Variants in DYRK3 observed in about 807,000 individuals in gnomAD.
DYRK3 encodes the protein dual specificity tyrosine-phosphorylation-regulated kinase 3.
A neutral mutation model predicts 40.8 loss-of-function variants in DYRK3; 30 were observed. That is an observed-to-expected ratio of 0.74 (90% confidence interval 0.55 to 1.00). The LOEUF (loss-of-function observed/expected upper bound fraction) is 1.00. Among genes scored for constraint, DYRK3 ranks in the 50% least tolerant of loss-of-function variants. DYRK3 has a pLI of 0.00. For missense variants in DYRK3, 699 were observed against 731.5 expected (o/e 0.96, Z 0.51); for synonymous variants, 272 against 260.7 (o/e 1.04, Z -0.42).
intron 1 of DYRK3, 107 bp downstream of exon 1, chr1:206,635,887 G>T: frequency 7.9e-7 from 1 of 1,263,236 alleles, no homozygotes; most frequent in South Asian, 3.0e-5. Flanking sequence ...TCAGTAGGAG[G>T]GACGAGGGCA....
At chr1:206,641,013 AC>A (rs782102312) in intron 2 of DYRK3, among the ~76,000 whole-genome samples, 9 of 152,222 alleles carry the variant, frequency 5.9e-5, no homozygotes, top group Non-Finnish European at 1.0e-4. Context: ...TTAAGAAAAT[AC>A]TTGGTAGAGT....
In DYRK3 at chr1:206,648,122, C is replaced by T. The variant is rs556178304; in HGVS notation, c.924C>T (p.Ser308=). 7.4e-6 allele frequency: 12 copies of T among 1,614,094 alleles called. No individual in the cohort carries two copies. In the Admixed American group the frequency reaches 8.3e-5, roughly 11 times the overall value. The change falls in exon 3 of 3, where the codon AGC becomes AGT. Residue 308 remains serine (S), a synonymous_variant. Coordinates refer to ENST00000367109, the MANE Select transcript of DYRK3 (RefSeq NM_003582.4). ...LIKKNKFQGF[S]VQLVRKFAQS... ...AAAAAAATAAGTTTCAGGGTTTTAG[C>T]GTCCAGTTGGTACGCAAGTTTGCCC...
At chr1:206,635,964 T>C in intron 1 of DYRK3, 184 bp downstream of exon 1, 2 of 1,335,710 alleles carry the variant, frequency 1.5e-6, no homozygotes, top group East Asian at 2.8e-5. Flanking sequence ...CCCCCATCCC[T>C]GTCTCACCGG....
chr1:206,639,255 G>A (rs191956041), intron 2 of DYRK3, among the ~76,000 whole-genome samples: 4 of 152,068 alleles, frequency 2.6e-5, no homozygotes, highest in Non-Finnish European at 4.4e-5. Context: ...CCTATTTTTC[G>A]TCCCCTTTTT....
intron 2 of DYRK3, among the ~76,000 whole-genome samples, chr1:206,638,411 G>T (rs1352068079): frequency 1.3e-5 from 2 of 151,224 alleles, no homozygotes; most frequent in Non-Finnish European, 2.9e-5. Context: ...TGAGTAGCTG[G>T]GATTACAGGC....
chr1:206,645,189 A>C (rs1268939882), intron 2 of DYRK3, among the ~76,000 whole-genome samples: 1 of 151,954 alleles, frequency 6.6e-6, no homozygotes, highest in Non-Finnish European at 1.5e-5. Flanking sequence ...ATTTTTGGTA[A>C]TTTATAAATA....
At chr1:206,639,538 G>A (rs1195761956) in intron 2 of DYRK3, among the ~76,000 whole-genome samples, 2 of 147,742 alleles carry the variant, frequency 1.4e-5, no homozygotes, top group African/African-American at 5.1e-5. Context: ...CGCAATCTTG[G>A]CTTACTGCAA....
In DYRK3 at chr1:206,637,756, C is replaced by T; in HGVS notation, c.184C>T (p.Leu62=). The T allele has an allele frequency of 6.2e-7, 1 of 1,608,654 alleles. No individual in the cohort carries two copies. ...NPSEPPPPRR[L]NMTTEQFTGD... ...TTCTGAACCACCTCCACCCAGAAGA[C>T]TAAATGTAAGTAAAAGAAGTCATTC... is the stretch of plus-strand genomic sequence containing the variant. The change falls in exon 2 of 3, where the codon CTA becomes TTA. Residue 62 remains leucine, a synonymous_variant. Coordinates refer to ENST00000367109, the MANE Select transcript of DYRK3 (RefSeq NM_003582.4).
rs566558287 is a variant in DYRK3, at chr1:206,645,776, C to T, written c.190-1612C>T. On this transcript the variant is annotated intron_variant, in intron 2 of 2. Coordinates refer to ENST00000367109, the MANE Select transcript of DYRK3 (RefSeq NM_003582.4). Reference sequence around the variant, plus strand: ...TTCTGGCCTCAAGTGATCTGCCCGTCTTGGCCTCCCAAAGTTCTGGGGTTA... The same window carrying T: ...TTCTGGCCTCAAGTGATCTGCCCGTTTTGGCCTCCCAAAGTTCTGGGGTTA... Among the ~76,000 whole-genome samples, 4 of 151,910 alleles carry T rather than the reference C, an allele frequency of 2.6e-5. No homozygotes were observed. In the South Asian group the frequency reaches 8.3e-4, roughly 32 times the overall value.
chr1:206,648,673 A>T lies in DYRK3; in HGVS notation c.1475A>T (p.Asp492Val). Residue 492 changes from aspartate (D) to valine (V), a missense_variant, in exon 3 of 3, where the codon GAC becomes GTC. Coordinates refer to ENST00000367109, the MANE Select transcript of DYRK3 (RefSeq NM_003582.4). The part of the protein sequence containing the change: ...DWGTALKGCD[D>V]YLFIEFLKRC... Reference sequence around the variant, plus strand: ...GGGACAGCACTGAAAGGGTGTGATGACTACTTGTTTATAGAGTTCTTGAAA... The same window carrying T: ...GGGACAGCACTGAAAGGGTGTGATGTCTACTTGTTTATAGAGTTCTTGAAA... The T allele has an allele frequency of 6.2e-7, 1 of 1,613,952 alleles. No homozygotes were observed. The highest frequency in any genetic ancestry group is 8.5e-7 in the Non-Finnish European group (1 of 1,179,926).
chr1:206,654,803 A>G lies in DYRK3; in HGVS notation c.*5838A>G, dbSNP rs1459244212. Among the ~76,000 whole-genome samples, 1 of 152,236 alleles carries G rather than the reference A, an allele frequency of 6.6e-6. No individual in the cohort carries two copies. The highest frequency in any genetic ancestry group is 2.4e-5 in the African/African-American group (1 of 41,470). Reference sequence around the variant, plus strand: ...CTAGACTTTGAAGAAGCAGGGTATGATTCTTAATATAGCCCACCCATCGCT... The same window carrying G: ...CTAGACTTTGAAGAAGCAGGGTATGGTTCTTAATATAGCCCACCCATCGCT... On this transcript the variant is annotated 3_prime_UTR_variant, in exon 3 of 3. Coordinates refer to ENST00000367109, the MANE Select transcript of DYRK3 (RefSeq NM_003582.4).
rs1037084005 is a variant in DYRK3, at chr1:206,635,638, G to A, written c.-66G>A. 8 of 1,241,200 alleles carry A rather than the reference G, an allele frequency of 6.4e-6. No individual in the cohort carries two copies. The highest frequency in any genetic ancestry group is 8.0e-5 in the South Asian group (2 of 24,850). The allele number at this position is 1,241,200 out of a possible 1,614,324, so 76.9% of individuals were successfully genotyped here. Reference sequence around the variant, plus strand: ...GCGCCGCGGAGGCAGCCGTCCCGGCGTAGGTGGCGTGGCCGACCGGACCCC... The same window carrying A: ...GCGCCGCGGAGGCAGCCGTCCCGGCATAGGTGGCGTGGCCGACCGGACCCC... On this transcript the variant is annotated 5_prime_UTR_variant, in exon 1 of 3. Coordinates refer to ENST00000367109, the MANE Select transcript of DYRK3 (RefSeq NM_003582.4).
Position 206,648,338 on chromosome 1 carries a change from C to T in DYRK3, c.1140C>T (p.Ile380=). The T allele has an allele frequency of 1.2e-6, 2 of 1,614,178 alleles. No individual in the cohort carries two copies. The highest frequency in any genetic ancestry group is 1.6e-4 in the Middle Eastern group (1 of 6,062). ...IQSRFYRAPE[I]ILGSRYSTPI... ...CTCGGTTCTACAGAGCTCCAGAAAT[C>T]ATCTTAGGAAGCCGCTACAGCACAC... The change falls in exon 3 of 3, where the codon ATC becomes ATT. Residue 380 remains isoleucine, a synonymous_variant. Coordinates refer to ENST00000367109, the MANE Select transcript of DYRK3 (RefSeq NM_003582.4).
At position 206,649,020 on chromosome 1, in the gene DYRK3, C is replaced by A; in HGVS notation, c.*55C>A. On this transcript the variant is annotated 3_prime_UTR_variant, in exon 3 of 3. Transcript: ENST00000367109. ...GTGTATATTTTTATGATCTTACAAACCTGCAAATGGAAAAAATGCAAGCCC... is the reference window on the plus strand; with the variant it reads ...GTGTATATTTTTATGATCTTACAAAACTGCAAATGGAAAAAATGCAAGCCC... The A allele has an allele frequency of 6.7e-7, 1 of 1,485,796 alleles. No homozygotes were observed. The highest frequency in any genetic ancestry group is 8.9e-7 in the Non-Finnish European group (1 of 1,118,140). 92.0% of individuals were successfully genotyped at this position (1,485,796 alleles called of 1,614,324 possible). A position where few individuals can be genotyped will look rare whatever the true frequency, so the allele number is the denominator to read the frequency against.
Position 206,642,918 on chromosome 1 carries a change from TTATAA to T in DYRK3, c.190-4467_190-4463del, listed in dbSNP as rs1162983766. On this transcript the variant is annotated intron_variant, in intron 2 of 2. Transcript: ENST00000367109. The stretch of plus-strand genomic sequence containing the variant: ...GTGTGGTGCACATGTACCCTATAAC[TTATAA>T]TAATAATAATAAAAATATAATAATA... 5.3e-5 allele frequency among the ~76,000 whole-genome samples: 8 copies of T among 151,500 alleles called. 1 individual carries two copies. The South Asian group carries it at 6.2e-4, about 12-fold the overall frequency.
At chr1:206,635,824 CG>C in intron 1 of DYRK3, 44 bp downstream of exon 1, 1 of 1,242,580 alleles carries the variant, frequency 8.0e-7, no homozygotes, top group Non-Finnish European at 1.0e-6. Flanking sequence ...CCACAGGGAG[CG>C]GCTGGCGCTG....
At position 206,654,180 on chromosome 1, in the gene DYRK3, C is replaced by G. The variant is rs1671698014; in HGVS notation, c.*5215C>G. ...TTATTTTTAATTATTTCTTTTCCAT[C>G]TGTTATTGATGTCATCAACACGGAA... On this transcript the variant is annotated 3_prime_UTR_variant, in exon 3 of 3. Coordinates refer to ENST00000367109, the MANE Select transcript of DYRK3 (RefSeq NM_003582.4). Among the ~76,000 whole-genome samples the G allele has an allele frequency of 6.6e-6, 1 of 152,222 alleles. No homozygotes were observed. The highest frequency in any genetic ancestry group is 2.4e-5 in the African/African-American group (1 of 41,450).
intron 2 of DYRK3, among the ~76,000 whole-genome samples, chr1:206,638,878 T>A (rs1307086156): frequency 6.7e-6 from 1 of 149,490 alleles, no homozygotes; most frequent in African/African-American, 2.5e-5. Flanking sequence ...TTTTTCCTTT[T>A]TTTTTTTTTT....
At position 206,648,534 on chromosome 1, in the gene DYRK3, A is replaced by G. The variant is rs782414223; in HGVS notation, c.1336A>G (p.Lys446Glu). The change falls in exon 3 of 3, where the codon AAG becomes GAG. Residue 446 changes from lysine (K) to glutamate (E), a missense_variant. Physicochemically the swap from Lys to Glu is moderately conservative, Grantham distance 56. Transcript: ENST00000367109. Reference protein sequence around the residue: ...SKRAKYFINSKGIPRYCSVTT... With the variant: ...SKRAKYFINSEGIPRYCSVTT... ...ACGTGCCAAGTACTTTATTAATTCCAAGGGCATACCCCGCTACTGCTCTGT... is the reference window on the plus strand; with the variant it reads ...ACGTGCCAAGTACTTTATTAATTCCGAGGGCATACCCCGCTACTGCTCTGT... 6.2e-7 allele frequency: 1 copy of G among 1,614,100 alleles called. No individual in the cohort carries two copies. Among genetic ancestry groups the G allele is most frequent in the South Asian group, 1.1e-5 (1 of 91,074 alleles).
Sources: gnomAD v4.1 joint callset for allele counts (sites outside exome capture counted in the v4.1 genomes callset) on GRCh38, gnomAD v4.1.1 for gene constraint, MANE v1.5 for transcripts, NCBI Gene and HGNC (gene_info 2026-07-23, HGNC 2026-07-21) for gene names.